Variants in RETREG1 observed in about 807,000 individuals in gnomAD.
RETREG1 encodes reticulophagy regulator 1.
In RETREG1, 44 loss-of-function variants were observed where a neutral mutation model predicts 54.8. The observed-to-expected ratio is 0.80, with a 90% confidence interval of 0.63 to 1.03. The LOEUF (loss-of-function observed/expected upper bound fraction) is 1.03, where lower values mean the gene tolerates loss of function less well. Among genes scored for constraint, RETREG1 ranks in the 50% least tolerant of loss-of-function variants. The probability of loss-of-function intolerance (pLI) is 0.00; values close to 1 mark genes in which losing one functional copy is unlikely to be tolerated. For missense variants in RETREG1, 554 were observed against 605.1 expected (o/e 0.92, Z 0.89); for synonymous variants, 217 against 238.5 (o/e 0.91, Z 0.83).
chr5:16,551,952 G>A (rs912705512), intron 3 of RETREG1, among the ~76,000 whole-genome samples: 2 of 152,058 alleles, frequency 1.3e-5, no homozygotes, highest in Admixed American at 6.6e-5. Context: ...GCCTCGCATT[G>A]TCTCTCTTTG....
chr5:16,603,396 G>C (rs921726776), intron 1 of RETREG1, among the ~76,000 whole-genome samples: 5 of 152,166 alleles, frequency 3.3e-5, no homozygotes, highest in Admixed American at 2.0e-4. Flanking sequence ...AGTCTCTGAA[G>C]AATATTTGCA....
At chr5:16,591,495 A>G (rs1396810963) in intron 1 of RETREG1, among the ~76,000 whole-genome samples, 1 of 150,826 alleles carries the variant, frequency 6.6e-6, no homozygotes, top group Non-Finnish European at 1.5e-5. Context: ...CTGTTTGTCA[A>G]AAAGGAGCTA....
At chr5:16,524,639 T>C (rs1323021818) in intron 3 of RETREG1, among the ~76,000 whole-genome samples, 2 of 152,200 alleles carry the variant, frequency 1.3e-5, no homozygotes, top group African/African-American at 2.4e-5. Context: ...TTATATTATT[T>C]TTAACAGGAC....
At chr5:16,576,426 G>A (rs1454469882) in intron 1 of RETREG1, among the ~76,000 whole-genome samples, 2 of 151,674 alleles carry the variant, frequency 1.3e-5, no homozygotes, top group Non-Finnish European at 2.9e-5. Flanking sequence ...CTGAGTAGCT[G>A]AGACTACAGG....
chr5:16,551,373 C>T (rs905610326), intron 3 of RETREG1, among the ~76,000 whole-genome samples: 1 of 152,196 alleles, frequency 6.6e-6, no homozygotes, highest in Non-Finnish European at 1.5e-5. Context: ...TTCCCTGGTG[C>T]TCTTAGAACC....
At chr5:16,583,354 G>A (rs780972572) in intron 1 of RETREG1, among the ~76,000 whole-genome samples, 3 of 151,626 alleles carry the variant, frequency 2.0e-5, no homozygotes, top group Non-Finnish European at 4.4e-5. Context: ...GTATCAGGGC[G>A]TGGTGGCATG....
chr5:16,536,104 A>C (rs1741065757), intron 3 of RETREG1, among the ~76,000 whole-genome samples: 2 of 152,244 alleles, frequency 1.3e-5, no homozygotes, highest in Admixed American at 1.3e-4. Context: ...ACAGTAACAG[A>C]GAAAGCAAGA....
At position 16,593,750 on chromosome 5, in the gene RETREG1, T is replaced by C. The variant is rs770288655; in HGVS notation, c.321-21648A>G. ...AGAGAAGTAAATCTAGCTCTCCTAATTTGCCCCATACTAAAGTCATGTTGC... is the reference window on the plus strand; with the variant it reads ...AGAGAAGTAAATCTAGCTCTCCTAACTTGCCCCATACTAAAGTCATGTTGC... On this transcript the variant is annotated intron_variant, in intron 1 of 8. Transcript: ENST00000306320. This position sits in a 1 kb window ranked among gnomAD's most constrained non-coding sequence, Gnocchi z 4.9. Among the ~76,000 whole-genome samples, 6 of 152,200 alleles carry C rather than the reference T, an allele frequency of 3.9e-5. No homozygotes were observed. Among genetic ancestry groups the C allele is most frequent in the Non-Finnish European group, 8.8e-5 (6 of 68,040 alleles).
chr5:16,489,495 A>G (rs33691), intron 3 of RETREG1, among the ~76,000 whole-genome samples: 46,171 of 152,096 alleles, frequency 0.3, 7,249 homozygotes, highest in Middle Eastern at 0.36. Context: ...AAGACAGAAC[A>G]TGTGCTAGCA....
At chr5:16,559,392 C>T (rs1429540124) in intron 3 of RETREG1, among the ~76,000 whole-genome samples, 1 of 152,164 alleles carries the variant, frequency 6.6e-6, no homozygotes, top group Non-Finnish European at 1.5e-5. Context: ...AGAATCAGCT[C>T]AAGGTAAGGC....
intron 3 of RETREG1, among the ~76,000 whole-genome samples, chr5:16,555,212 C>A (rs146792879): frequency 3.3e-5 from 5 of 152,250 alleles, no homozygotes; most frequent in African/African-American, 1.2e-4. Context: ...GGTGCAGTGG[C>A]GCAATCTGGG....
rs368116229 is a variant in RETREG1, at chr5:16,565,888, G to A, written c.428-95C>T. On this transcript the variant is annotated intron_variant, in intron 2 of 8. Coordinates refer to ENST00000306320, the MANE Select transcript of RETREG1 (RefSeq NM_001034850.3). ...GAACTAGTCCAAGCTATTTAAAGTG[G>A]AATGCTCAGATCTCTAACACTCAGG... The A allele has an allele frequency of 2.3e-6, 3 of 1,311,650 alleles. No homozygotes were observed. The Admixed American group carries it at 5.9e-5, about 26-fold the overall frequency. The allele number at this position is 1,311,650 out of a possible 1,614,324, so 81.3% of individuals were successfully genotyped here. A position where few individuals can be genotyped will look rare whatever the true frequency, so the allele number is the denominator to read the frequency against.
chr5:16,480,588 C>T (rs556248108), intron 5 of RETREG1, among the ~76,000 whole-genome samples: 114 of 152,232 alleles, frequency 7.5e-4, no homozygotes, highest in Non-Finnish European at 1.3e-3. Context: ...ATTCCACTTG[C>T]TCTGCATCCC....
chr5:16,515,666 C>T (rs1003549119), intron 3 of RETREG1, among the ~76,000 whole-genome samples: 4 of 152,134 alleles, frequency 2.6e-5, no homozygotes, highest in Admixed American at 6.5e-5. Flanking sequence ...ACCAAGTCAA[C>T]GCAGCAAAGT....
intron 3 of RETREG1, among the ~76,000 whole-genome samples, chr5:16,534,626 T>C (rs1400340236): frequency 6.6e-6 from 1 of 152,240 alleles, no homozygotes; most frequent in African/African-American, 2.4e-5. Flanking sequence ...TCTGTACTCA[T>C]ATCAACATTC....
At chr5:16,595,917 A>G (rs997449482) in intron 1 of RETREG1, among the ~76,000 whole-genome samples, 2 of 152,212 alleles carry the variant, frequency 1.3e-5, no homozygotes, top group African/African-American at 4.8e-5. Context: ...AAGTTCCCAC[A>G]CTGACCTGCA....
chr5:16,560,025 C>T (rs139278935), intron 3 of RETREG1, among the ~76,000 whole-genome samples: 40 of 152,280 alleles, frequency 2.6e-4, no homozygotes, highest in African/African-American at 8.2e-4. Flanking sequence ...CACTGAGAAC[C>T]ACATTTTCAC....
chr5:16,492,887 G>A (rs10078030), intron 3 of RETREG1, among the ~76,000 whole-genome samples: 2,273 of 152,312 alleles, frequency 0.015, 64 homozygotes, highest in African/African-American at 0.052. Flanking sequence ...GGATTAAAAA[G>A]AGTAAACACA....
intron 3 of RETREG1, among the ~76,000 whole-genome samples, chr5:16,525,072 G>A (rs1033617191): frequency 1.3e-5 from 2 of 151,388 alleles, no homozygotes; most frequent in Non-Finnish European, 1.5e-5. Flanking sequence ...GGATGTGCGC[G>A]GGGGACACTG....
Sources: gnomAD v4.1 joint callset for allele counts (sites outside exome capture counted in the v4.1 genomes callset) on GRCh38, gnomAD v4.1.1 for gene constraint, Gnocchi (gnomAD v3.1) non-coding constraint, MANE v1.5 for transcripts, NCBI Gene and HGNC (gene_info 2026-07-23, HGNC 2026-07-21) for gene names.